ZNF483: variants seen among roughly 807,000 people sequenced by gnomAD.
ZNF483 encodes zinc finger protein HIT-10.
Under a neutral mutation model 28.6 loss-of-function variants are expected in ZNF483, and 9 were observed. The observed-to-expected ratio is 0.32, with a 90% CI of 0.19 to 0.55. ZNF483 has a LOEUF of 0.55. ZNF483 is among the 20% of genes least tolerant of loss of function. The pLI is 0.93. For missense variants in ZNF483, 675 were observed against 871.7 expected (o/e 0.77, Z 2.84); for synonymous variants, 322 against 306.2 (o/e 1.05, Z -0.54).
intron 5 of ZNF483, among the ~76,000 whole-genome samples, chr9:111,573,205 C>T (rs1828905308): frequency 6.6e-6 from 1 of 152,166 alleles, no homozygotes; most frequent in South Asian, 2.1e-4. Context: ...AAGAAAAGGC[C>T]TCCTGCAGCT....
Position 111,549,942 on chromosome 9 carries a change from T to C in ZNF483, c.*6772T>C. 1.7e-6 allele frequency: 1 copy of C among 572,482 alleles called. No homozygotes were observed. The highest frequency in any genetic ancestry group is 2.3e-5 in the South Asian group (1 of 42,700). The allele number at this position is 572,482 out of a possible 1,614,324, so 35.5% of individuals were successfully genotyped here. On this transcript the variant is annotated 3_prime_UTR_variant, in exon 6 of 6. Transcript: ENST00000309235. ...GTGCCTTTGAATGGTCAATACTTGT[T>C]TCTTTGTATGCATCGTGATTGTTTT...
chr9:111,566,228 T>A (rs554254213), intron 5 of ZNF483, among the ~76,000 whole-genome samples: 213 of 152,150 alleles, frequency 1.4e-3, no homozygotes, highest in African/African-American at 4.8e-3. Flanking sequence ...AATAAATAAA[T>A]AAACACCTAA....
At chr9:111,528,065 A>G (rs1827224877) in intron 2 of ZNF483, 1 of 1,381,384 alleles carries the variant, frequency 7.2e-7, no homozygotes, top group Non-Finnish European at 9.5e-7. Flanking sequence ...GATAGGATAT[A>G]ATATATGGTG....
At chr9:111,557,911 G>A (rs1828170131), downstream of ZNF483, among the ~76,000 whole-genome samples, 1 of 152,170 alleles carries the variant, frequency 6.6e-6, no homozygotes, top group Admixed American at 6.5e-5. Flanking sequence ...CGCTTTGGGA[G>A]GCCAAGGCAG....
At position 111,543,335 on chromosome 9, in the gene ZNF483, A is replaced by G. The variant is rs1342337060; in HGVS notation, c.*165A>G. ...ATCCCTCTTCTTTTCAAGGATGGCAACGACTGGTAAACAGTAATTAGTTGG... is the reference window on the plus strand; with the variant it reads ...ATCCCTCTTCTTTTCAAGGATGGCAGCGACTGGTAAACAGTAATTAGTTGG... On this transcript the variant is annotated 3_prime_UTR_variant, in exon 6 of 6. Transcript: ENST00000309235. 5.0e-6 allele frequency: 7 copies of G among 1,396,944 alleles called. No homozygotes were observed. The highest frequency in any genetic ancestry group is 6.5e-6 in the Non-Finnish European group (7 of 1,081,550). The allele number at this position is 1,396,944 out of a possible 1,614,324, so 86.5% of individuals were successfully genotyped here.
intron 1 of ZNF483, among the ~76,000 whole-genome samples, 171 bp from the exon 2 acceptor site, chr9:111,527,097 C>T (rs540518071): frequency 4.6e-5 from 7 of 150,710 alleles, no homozygotes; most frequent in African/African-American, 1.5e-4. Flanking sequence ...AGCGAAACTC[C>T]GTCTCAAAAA....
chr9:111,574,620 A>T, intron 5 of ZNF483: 5 of 699,430 alleles, frequency 7.1e-6, no homozygotes, highest in Non-Finnish European at 1.1e-5. Flanking sequence ...AAAAAAAAAA[A>T]GAATATATGA....
At chr9:111,531,010 A>G in intron 3 of ZNF483, 47 bp downstream of exon 3, 1 of 941,106 alleles carries the variant, frequency 1.1e-6, no homozygotes, top group Non-Finnish European at 1.6e-6. Flanking sequence ...TACTTAATTG[A>G]GCTCCTACTG....
intron 5 of ZNF483, chr9:111,564,359 G>A (rs969426848): frequency 2.3e-6 from 1 of 438,010 alleles, no homozygotes; most frequent in Non-Finnish European, 3.2e-6. Flanking sequence ...AGGTTTGAGT[G>A]CAGTGGCACA....
chr9:111,559,803 G>T (rs1370405589), downstream of ZNF483, among the ~76,000 whole-genome samples: 2 of 152,146 alleles, frequency 1.3e-5, no homozygotes, highest in East Asian at 1.9e-4. Context: ...CTTTAGGATT[G>T]AATAGTTTGG....
intron 5 of ZNF483, among the ~76,000 whole-genome samples, chr9:111,565,258 C>T (rs961616390): frequency 1.3e-5 from 2 of 152,092 alleles, no homozygotes; most frequent in Non-Finnish European, 2.9e-5. Context: ...AAAAGGAAGC[C>T]ATCTACAAGT....
chr9:111,567,519 G>A (rs575456270), intron 5 of ZNF483, among the ~76,000 whole-genome samples: 49 of 152,164 alleles, frequency 3.2e-4, no homozygotes, highest in Non-Finnish European at 5.3e-4. Context: ...TGCAGGACGT[G>A]AGAGAATTCA....
chr9:111,567,829 C>T (rs527617770), intron 5 of ZNF483, among the ~76,000 whole-genome samples: 3 of 152,240 alleles, frequency 2.0e-5, no homozygotes, highest in Non-Finnish European at 4.4e-5. Context: ...GGACCCCAAA[C>T]GGAGGGACTG....
chr9:111,563,209 T>C, intron 5 of ZNF483: 1 of 1,613,748 alleles, frequency 6.2e-7, no homozygotes, highest in South Asian at 1.1e-5. Context: ...TTCAATGATA[T>C]ATTCCTTGTA....
chr9:111,536,819 T>C (rs1827515285), intron 5 of ZNF483, among the ~76,000 whole-genome samples: 1 of 152,148 alleles, frequency 6.6e-6, no homozygotes, highest in African/African-American at 2.4e-5. Flanking sequence ...TAAACATAAT[T>C]ACATATGTTA....
intron 5 of ZNF483, chr9:111,570,173 C>G (rs149211975): frequency 1.2e-6 from 2 of 1,614,008 alleles, no homozygotes; most frequent in Non-Finnish European, 1.7e-6. Context: ...AGCTTCCATG[C>G]GAAGCTCCTG....
chr9:111,568,428 G>T (rs1828671063), intron 5 of ZNF483, among the ~76,000 whole-genome samples: 2 of 152,110 alleles, frequency 1.3e-5, no homozygotes, highest in African/African-American at 4.8e-5. Flanking sequence ...TGGTCAGACT[G>T]GTTCTCTGCT....
rs774310004 is a variant in ZNF483, at chr9:111,542,332, C to T, written c.1397C>T (p.Pro466Leu). ...CGGAGAATTCACACTGGAGAAAAAC[C>T]CTATATGTGTAATGAATGTGGAAAA... ...KHRRIHTGEK[P>L]YMCNECGKAF... The change falls in exon 6 of 6, where the codon CCC (proline) becomes CTC (leucine). Residue 466 changes from proline (P) to leucine (L), a missense_variant. Pro to Leu is a moderately conservative substitution (Grantham distance 98). Transcript: ENST00000309235. This position sits in a 1 kb window ranked among gnomAD's most constrained non-coding sequence, Gnocchi z 6.2. 39 of 1,613,984 alleles carry T rather than the reference C, an allele frequency of 2.4e-5. No individual in the cohort carries two copies. Among genetic ancestry groups the T allele is most frequent in the Non-Finnish European group, 3.1e-5 (36 of 1,180,024 alleles).
intron 5 of ZNF483, among the ~76,000 whole-genome samples, chr9:111,566,383 C>T (rs1828562754): frequency 6.6e-6 from 1 of 152,164 alleles, no homozygotes; most frequent in African/African-American, 2.4e-5. Context: ...GGTGACAGCC[C>T]AGCCCGGCAC....
Sources: allele counts gnomAD v4.1 joint callset (sites outside exome capture counted in the v4.1 genomes callset), GRCh38; gene constraint gnomAD v4.1.1; non-coding constraint Gnocchi (gnomAD v3.1); transcripts MANE v1.5; gene names NCBI Gene and HGNC (gene_info 2026-07-23, HGNC 2026-07-21).